OR52N1: variants seen among roughly 807,000 people sequenced by gnomAD.
OR52N1 encodes the protein olfactory receptor family 52 subfamily N member 1, also known as olfactory receptor 52N1.
OR52N1 carries 11 observed loss-of-function variants against 13.9 expected under a neutral mutation model. The ratio of observed to expected loss-of-function variants is 0.79; its 90% confidence interval spans 0.50 to 1.31. The LOEUF is 1.31. Among genes scored for constraint, OR52N1 ranks in the 40% most tolerant of loss-of-function variants. The probability of loss-of-function intolerance (pLI) is 0.00; values close to 1 mark genes in which losing one functional copy is unlikely to be tolerated. For synonymous variants in OR52N1, 142 were observed against 143.7 expected (o/e 0.99, Z 0.08); for missense variants, 414 against 397.7 (o/e 1.04, Z -0.35).
At position 5,788,664 on chromosome 11, in the gene OR52N1, G is replaced by T. The variant is rs768454072; in HGVS notation, c.153C>A (p.Ile51=). 1 of 1,614,042 alleles carries T rather than the reference G, an allele frequency of 6.2e-7. No individual in the cohort carries two copies. The highest frequency in any genetic ancestry group is 1.7e-5 in the Admixed American group (1 of 59,988). ...ITGNFGLMYL[I]YCDEALHRPM... ...GTCTGTGTAAGGCCTCATCACAGTA[G>T]ATGAGGTACATAAGGCCGAAGTTCC... Residue 51 remains isoleucine (I), a synonymous_variant, in exon 2 of 2, where the codon ATC becomes ATA. Transcript: ENST00000641645.
chr11:5,787,779 G>T lies in OR52N1; in HGVS notation c.*75C>A. ...AAAATATTCCTGTGGCCAGATTTCT[G>T]GTGTCATTTAAAGAGCTCCCTATTG... is the stretch of plus-strand genomic sequence containing the variant. On this transcript the variant is annotated 3_prime_UTR_variant, in exon 2 of 2. Transcript: ENST00000641645. 2 of 1,190,068 alleles carry T rather than the reference G, an allele frequency of 1.7e-6. 1 individual carries two copies. Among genetic ancestry groups the T allele is most frequent in the East Asian group, 4.9e-5 (2 of 41,090 alleles). 73.7% of individuals were successfully genotyped at this position (1,190,068 alleles called of 1,614,324 possible). A position where few individuals can be genotyped will look rare whatever the true frequency, so the allele number is the denominator to read the frequency against.
chr11:5,787,998 T>G lies in OR52N1; in HGVS notation c.819A>C (p.Leu273=). The G allele has an allele frequency of 7.5e-7, 1 of 1,335,348 alleles. No individual in the cohort carries two copies. The highest frequency in any genetic ancestry group is 9.9e-7 in the Non-Finnish European group (1 of 1,009,614). 82.7% of individuals were successfully genotyped at this position (1,335,348 alleles called of 1,614,324 possible). ...THHFGGHTIP[L]HIHIIMANLY... ...GATTAGCCATAATAATATGTATGTG[T>G]AGAGGAATGGTGTGTCCCCCAAAAT... is the stretch of plus-strand genomic sequence containing the variant. The change falls in exon 2 of 2, where the codon CTA becomes CTC. Residue 273 remains leucine (L), a synonymous_variant. Transcript: ENST00000641645.
In OR52N1 at chr11:5,786,979, T is replaced by C. The variant is rs1339599776; in HGVS notation, c.*875A>G. The C allele has an allele frequency of 7.1e-6, 1 of 139,886 alleles. No individual in the cohort carries two copies. The highest frequency in any genetic ancestry group is 1.6e-5 in the Non-Finnish European group (1 of 63,366). The allele number at this position is 139,886 out of a possible 1,614,324, so 8.7% of individuals were successfully genotyped here. A position where few individuals can be genotyped will look rare whatever the true frequency, so the allele number is the denominator to read the frequency against. ...GAGAGTATGTGCTCAAGACATATTA[T>C]TTTAAATAAAAATGTTGAAGCATAG... is the stretch of plus-strand genomic sequence containing the variant. On this transcript the variant is annotated 3_prime_UTR_variant, in exon 2 of 2. Coordinates refer to ENST00000641645, the MANE Select transcript of OR52N1 (RefSeq NM_001001913.2).
At chr11:5,788,962 ATATTTGTTC>A (rs1238702006) in intron 1 of OR52N1, 102 bp from the exon 2 acceptor site, 4 of 826,062 alleles carry the variant, frequency 4.8e-6, no homozygotes, top group African/African-American at 3.5e-5. Flanking sequence ...ATCAATGACT[ATATTTGTTC>A]TATTATGTTT....
At position 5,788,526 on chromosome 11, in the gene OR52N1, TTTAAAATCAATCTCCTTGAGA is replaced by T. The variant is rs2134229913; in HGVS notation, c.270_290del (p.Asn90_Phe96del). 6.2e-7 allele frequency: 1 copy of T among 1,613,956 alleles called. No individual in the cohort carries two copies. Among genetic ancestry groups the T allele is most frequent in the African/African-American group, 1.3e-5 (1 of 75,022 alleles). On this transcript the variant is annotated inframe_deletion, in exon 2 of 2. Transcript: ENST00000641645. Reference sequence around the variant, plus strand: ...CAAAGAACATCTGGGCGAGGCAGGCTTTAAAATCAATCTCCTTGAGATTAAACCACAATATGAAGAGAGTGT... The same window carrying T: ...CAAAGAACATCTGGGCGAGGCAGGCTTTAAACCACAATATGAAGAGAGTGT...
chr11:5,789,987 T>C (rs1450554066), intron 1 of OR52N1, among the ~76,000 whole-genome samples: 2 of 152,054 alleles, frequency 1.3e-5, no homozygotes, highest in African/African-American at 4.8e-5. Flanking sequence ...TCAGCCGGAA[T>C]GTGTTGATTA....
Position 5,787,711 on chromosome 11 carries a change from G to A in OR52N1, c.*143C>T, listed in dbSNP as rs1564965035. ...AGAGGGTATTTACCTATTTGAACAT[G>A]ATGGTACCCTTTCCAAAGATGTAGA... is the stretch of plus-strand genomic sequence containing the variant. On this transcript the variant is annotated 3_prime_UTR_variant, in exon 2 of 2. Coordinates refer to ENST00000641645, the MANE Select transcript of OR52N1 (RefSeq NM_001001913.2). The A allele has an allele frequency of 1.3e-6, 1 of 752,142 alleles. No homozygotes were observed. The highest frequency in any genetic ancestry group is 4.3e-4 in the Middle Eastern group (1 of 2,340). The allele number at this position is 752,142 out of a possible 1,614,324, so 46.6% of individuals were successfully genotyped here.
chr11:5,787,834 T>G lies in OR52N1; in HGVS notation c.*20A>C, dbSNP rs779285204. ...GGTGATCTCAACCTGGCTAAGAAAA[T>G]TCTAACATCTCAGAAGACTTTAAAA... On this transcript the variant is annotated 3_prime_UTR_variant, in exon 2 of 2. Transcript: ENST00000641645. 3 of 1,450,486 alleles carry G rather than the reference T, an allele frequency of 2.1e-6. 1 individual carries two copies. The highest frequency in any genetic ancestry group is 2.8e-6 in the Non-Finnish European group (3 of 1,082,022). 89.9% of individuals were successfully genotyped at this position (1,450,486 alleles called of 1,614,324 possible).
chr11:5,790,398 G>T (rs1451484822), intron 1 of OR52N1, among the ~76,000 whole-genome samples: 1 of 151,862 alleles, frequency 6.6e-6, no homozygotes, highest in African/African-American at 2.4e-5. Flanking sequence ...CTTTTTTTCA[G>T]ATCACAGAAA....
rs570634505 is a variant in OR52N1, at chr11:5,788,682, G to A, written c.135C>T (p.Phe45=). 7.3e-5 allele frequency: 118 copies of A among 1,613,842 alleles called. No individual in the cohort carries two copies. Among genetic ancestry groups the A allele is most frequent in the Middle Eastern group, 1.6e-4 (1 of 6,080 alleles). The change falls in exon 2 of 2, where the codon TTC becomes TTT. Residue 45 remains phenylalanine (F), a synonymous_variant. Coordinates refer to ENST00000641645, the MANE Select transcript of OR52N1 (RefSeq NM_001001913.2). The part of the protein sequence containing the change: ...TMYSIAITGN[F]GLMYLIYCDE... Reference sequence around the variant, plus strand: ...CACAGTAGATGAGGTACATAAGGCCGAAGTTCCCTGTAATAGCAATGCTGT... The same window carrying A: ...CACAGTAGATGAGGTACATAAGGCCAAAGTTCCCTGTAATAGCAATGCTGT...
In OR52N1 at chr11:5,788,853, C is replaced by G; in HGVS notation, c.-37G>C. The stretch of plus-strand genomic sequence containing the variant: ...GAAGTTCATTGTATAGCAGTTATAG[C>G]ATTGCCTCTGTGAGCAGGAAATAAA... On this transcript the variant is annotated 5_prime_UTR_variant, in exon 2 of 2. An upstream start codon of the reference 5' UTR is lost. Transcript: ENST00000641645. 6.6e-7 allele frequency: 1 copy of G among 1,520,948 alleles called. No individual in the cohort carries two copies. Among genetic ancestry groups the G allele is most frequent in the Non-Finnish European group, 8.7e-7 (1 of 1,143,248 alleles). 94.2% of individuals were successfully genotyped at this position (1,520,948 alleles called of 1,614,324 possible). A position where few individuals can be genotyped will look rare whatever the true frequency, so the allele number is the denominator to read the frequency against.
At chr11:5,788,908 C>T in intron 1 of OR52N1, 48 bp from the exon 2 acceptor site, 3 of 1,346,572 alleles carry the variant, frequency 2.2e-6, no homozygotes, top group Admixed American at 2.2e-5. Flanking sequence ...AGTGACTGAC[C>T]ATCAGTCTTC....
At position 5,787,914 on chromosome 11, in the gene OR52N1, C is replaced by T; in HGVS notation, c.903G>A (p.Gln301=). The T allele has an allele frequency of 2.6e-6, 4 of 1,515,156 alleles. 1 individual carries two copies. The highest frequency in any genetic ancestry group is 3.6e-6 in the Non-Finnish European group (4 of 1,111,234). 93.9% of individuals were successfully genotyped at this position (1,515,156 alleles called of 1,614,324 possible). A position where few individuals can be genotyped will look rare whatever the true frequency, so the allele number is the denominator to read the frequency against. ...AGAACCTAATGACACTTTCTCGTACCTGCCTGGTTTTCACCCCATACACAA... is the reference window on the plus strand; with the variant it reads ...AGAACCTAATGACACTTTCTCGTACTTGCCTGGTTTTCACCCCATACACAA... ...NPIVYGVKTR[Q]VRESVIRFFL... is the part of the protein sequence containing the mutation. Residue 301 remains glutamine, a synonymous_variant, in exon 2 of 2, where the codon CAG becomes CAA. Coordinates refer to ENST00000641645, the MANE Select transcript of OR52N1 (RefSeq NM_001001913.2).
In OR52N1 at chr11:5,788,072, C is replaced by A; in HGVS notation, c.745G>T (p.Ala249Ser). ...GCTGGAACATAGGTGAGGACTATGGCACAGAAGTGGGCAGTGCAGGTGCTG... is the reference window on the plus strand; with the variant it reads ...GCTGGAACATAGGTGAGGACTATGGAACAGAAGTGGGCAGTGCAGGTGCTG... ...AFSTCTAHFC[A>S]IVLTYVPAFF... is the part of the protein sequence containing the mutation. Residue 249 changes from alanine to serine, a missense_variant, in exon 2 of 2, where the codon GCC (alanine) becomes TCC (serine). Transcript: ENST00000641645. 6.2e-7 allele frequency: 1 copy of A among 1,613,632 alleles called. No homozygotes were observed. Among genetic ancestry groups the A allele is most frequent in the Non-Finnish European group, 8.5e-7 (1 of 1,179,718 alleles).
At position 5,788,152 on chromosome 11, in the gene OR52N1, A is replaced by G. The variant is rs1166573904; in HGVS notation, c.665T>C (p.Met222Thr). 6.2e-7 allele frequency: 1 copy of G among 1,614,014 alleles called. No individual in the cohort carries two copies. Among genetic ancestry groups the G allele is most frequent in the Admixed American group, 1.7e-5 (1 of 59,982 alleles). The change falls in exon 2 of 2, where the codon ATG becomes ACG. Residue 222 changes from methionine (M) to threonine (T), a missense_variant. Physicochemically the swap from Met to Thr is moderately conservative, Grantham distance 81. Transcript: ENST00000641645. ...DILCITISYT[M>T]ILQAVVSLSS... ...TAGACTCACAACTGCTTGAAGAATC[A>G]TAGTGTAGGAGATTGTAATGCACAG...
Position 5,791,098 on chromosome 11 carries a change from T to G in OR52N1, c.-45+13A>C, listed in dbSNP as rs990378885. ...CTTAAAATAAAAGCTTAAACAAAAG[T>G]AAATCTGCTTACCCTGAAAACTACC... On this transcript the variant is annotated intron_variant, in intron 1 of 1. Coordinates refer to ENST00000641645, the MANE Select transcript of OR52N1 (RefSeq NM_001001913.2). 1.3e-5 allele frequency: 2 copies of G among 152,050 alleles called. No homozygotes were observed. Among genetic ancestry groups the G allele is most frequent in the African/African-American group, 4.8e-5 (2 of 41,430 alleles). The allele number at this position is 152,050 out of a possible 1,614,324, so 9.4% of individuals were successfully genotyped here. A position where few individuals can be genotyped will look rare whatever the true frequency, so the allele number is the denominator to read the frequency against.
Position 5,786,730 on chromosome 11 carries a change from C to T in OR52N1, c.*1124G>A, listed in dbSNP as rs1396415164. ...CTACACAAACAATATTTTTAAGAGGCCATCACTAAAAAGGGACTAGATGGA... is the reference window on the plus strand; with the variant it reads ...CTACACAAACAATATTTTTAAGAGGTCATCACTAAAAAGGGACTAGATGGA... On this transcript the variant is annotated 3_prime_UTR_variant, in exon 2 of 2. Coordinates refer to ENST00000641645, the MANE Select transcript of OR52N1 (RefSeq NM_001001913.2). 7.2e-6 allele frequency: 1 copy of T among 137,978 alleles called. No individual in the cohort carries two copies. 8.5% of individuals were successfully genotyped at this position (137,978 alleles called of 1,614,324 possible).
chr11:5,788,512 TG>T lies in OR52N1; in HGVS notation c.304del (p.Gln102ArgfsTer54), dbSNP rs1281248279. 1 of 1,613,972 alleles carries T rather than the reference TG, an allele frequency of 6.2e-7. No homozygotes were observed. The highest frequency in any genetic ancestry group is 2.2e-5 in the East Asian group (1 of 44,862). ...KEIDFKACLAQMFFVHTFTGM... is the reference protein window; with the variant it reads ...KEIDFKACLAXMFFVHTFTGM... ...TGTGAAGGTGTGCACAAAGAACATC[TG>T]GGCGAGGCAGGCTTTAAAATCAATC... On this transcript the variant is annotated frameshift_variant, in exon 2 of 2. Transcript: ENST00000641645. LOFTEE classifies it high-confidence loss of function.
rs931479390 is a variant in OR52N1, at chr11:5,788,767, T to C, written c.50A>G (p.Asn17Ser). 1 of 1,610,260 alleles carries C rather than the reference T, an allele frequency of 6.2e-7. No individual in the cohort carries two copies. The highest frequency in any genetic ancestry group is 1.1e-5 in the South Asian group (1 of 91,034). ...CACATCTTCCAAACCAGGGATGCCA[T>C]TTAGGATGAATGAAGCTGGAGTTAG... ...TSLTPASFILNGIPGLEDVHL... is the reference protein window; with the variant it reads ...TSLTPASFILSGIPGLEDVHL... The change falls in exon 2 of 2, where the codon AAT becomes AGT. Residue 17 changes from asparagine (N) to serine (S), a missense_variant. Coordinates refer to ENST00000641645, the MANE Select transcript of OR52N1 (RefSeq NM_001001913.2).
Sources: allele counts gnomAD v4.1 joint callset (sites outside exome capture counted in the v4.1 genomes callset), GRCh38; gene constraint gnomAD v4.1.1; transcripts MANE v1.5; gene names NCBI Gene and HGNC (gene_info 2026-07-23, HGNC 2026-07-21).